Variants in ARSK observed in about 807,000 individuals in gnomAD.
ARSK encodes arylsulfatase K.
In ARSK, 37 loss-of-function variants were observed where a neutral mutation model predicts 53.2. That is an observed-to-expected ratio of 0.70 (90% CI 0.54 to 0.92). The LOEUF (loss-of-function observed/expected upper bound fraction) is 0.92, where lower values mean the gene tolerates loss of function less well. Among genes scored for constraint, ARSK ranks in the 40% least tolerant of loss-of-function variants. The pLI is 0.00. For missense variants in ARSK, 613 were observed against 643.0 expected, an observed-to-expected ratio of 0.95 and a Z score of 0.51; for synonymous variants, 208 against 223.2, an observed-to-expected ratio of 0.93 and a Z score of 0.61.
chr5:95,590,730 A>AT (rs1749198110), intron 5 of ARSK, among the ~76,000 whole-genome samples: 1 of 152,152 alleles, frequency 6.6e-6, no homozygotes, highest in African/African-American at 2.4e-5. Flanking sequence ...CTTTCTTGTG[A>AT]TTCTCTTAAT....
At chr5:95,572,174 A>ATGGT (rs1004473606) in intron 3 of ARSK, among the ~76,000 whole-genome samples, 1 of 152,188 alleles carries the variant, frequency 6.6e-6, no homozygotes, top group African/African-American at 2.4e-5. Context: ...ACACCATACT[A>ATGGT]GGATCGCTAT....
At chr5:95,565,972 T>C in intron 1 of ARSK, 26 bp from the exon 2 acceptor site, 1 of 1,585,494 alleles carries the variant, frequency 6.3e-7, no homozygotes, top group Non-Finnish European at 8.6e-7. Flanking sequence ...ATGTAATCAA[T>C]GCTAATTAAA....
At chr5:95,597,383 G>A (rs528613048) in intron 6 of ARSK, among the ~76,000 whole-genome samples, 1 of 152,170 alleles carries the variant, frequency 6.6e-6, no homozygotes, top group Non-Finnish European at 1.5e-5. Context: ...AAGCCTGGGG[G>A]TTGGCAGGTG....
At chr5:95,587,512 T>A (rs1749139955) in intron 5 of ARSK, among the ~76,000 whole-genome samples, 1 of 152,138 alleles carries the variant, frequency 6.6e-6, no homozygotes, top group South Asian at 2.1e-4. Context: ...TGAATGTTTT[T>A]TGTTAAAAAA....
intron 6 of ARSK, among the ~76,000 whole-genome samples, chr5:95,592,114 T>A (rs527854401): frequency 4.6e-5 from 7 of 152,342 alleles, no homozygotes; most frequent in Admixed American, 1.3e-4. Flanking sequence ...AACATATGGA[T>A]AAGGGTAGTT....
At position 95,585,072 on chromosome 5, in the gene ARSK, A is replaced by G. The variant is rs182643906; in HGVS notation, c.700-1490A>G. Among the ~76,000 whole-genome samples, 538 of 152,292 alleles carry G rather than the reference A, an allele frequency of 3.5e-3. 5 individuals carry two copies. Among genetic ancestry groups the G allele is most frequent in the African/African-American group, 0.012 (512 of 41,564 alleles). On this transcript the variant is annotated intron_variant, in intron 4 of 7. Transcript: ENST00000380009. ...AGATATACAAATGGCCAACAAATATATGAGAAAAGGCTCAACATCACTAAT... is the reference window on the plus strand; with the variant it reads ...AGATATACAAATGGCCAACAAATATGTGAGAAAAGGCTCAACATCACTAAT...
At chr5:95,570,708 G>C (rs1418658460) in intron 3 of ARSK, among the ~76,000 whole-genome samples, 1 of 151,936 alleles carries the variant, frequency 6.6e-6, no homozygotes, top group African/African-American at 2.4e-5. Context: ...CACAGATTAA[G>C]CATTTACTCA....
chr5:95,576,191 AGT>A (rs1748921186), intron 3 of ARSK, among the ~76,000 whole-genome samples: 2 of 147,940 alleles, frequency 1.4e-5, no homozygotes, highest in African/African-American at 5.1e-5. Context: ...GTCTCACGTA[AGT>A]GTATACCTTT....
intron 3 of ARSK, among the ~76,000 whole-genome samples, 154 bp from the exon 4 acceptor site, chr5:95,582,759 CAAT>C (rs1262731625): frequency 6.6e-6 from 1 of 152,066 alleles, no homozygotes; most frequent in Non-Finnish European, 1.5e-5. Flanking sequence ...TTGTAATGCT[CAAT>C]AACTTTCTTT....
At chr5:95,587,507 G>GT (rs1241373794) in intron 5 of ARSK, among the ~76,000 whole-genome samples, 3 of 151,994 alleles carry the variant, frequency 2.0e-5, no homozygotes, top group Admixed American at 1.3e-4. Flanking sequence ...ACAAGTGAAT[G>GT]TTTTTTGTTA....
chr5:95,598,920 G>A (rs1580232556), intron 6 of ARSK, among the ~76,000 whole-genome samples: 1 of 152,164 alleles, frequency 6.6e-6, no homozygotes, highest in African/African-American at 2.4e-5. Flanking sequence ...TCGGGACACT[G>A]TCTAAATGTG....
chr5:95,569,224 A>C (rs1016886715), intron 3 of ARSK, among the ~76,000 whole-genome samples: 3 of 152,192 alleles, frequency 2.0e-5, no homozygotes, highest in African/African-American at 7.2e-5. Context: ...TTACCTAGGC[A>C]AGTGCTAATT....
Position 95,583,106 on chromosome 5 carries a change from G to A in ARSK, c.607G>A (p.Gly203Arg), listed in dbSNP as rs1363050970. The change falls in exon 4 of 8, where the codon GGA becomes AGA. Residue 203 changes from glycine (G) to arginine (R), a missense_variant. Physicochemically the swap from Gly to Arg is moderately radical, Grantham distance 125. Coordinates refer to ENST00000380009, the MANE Select transcript of ARSK (RefSeq NM_198150.3). The part of the protein sequence containing the change: ...NYTEPFVIYL[G>R]LNLPHPYPSP... ...CACTGAACCATTTGTTATTTACTTGGGATTAAATTTACCACACCCTTACCC... is the reference window on the plus strand; with the variant it reads ...CACTGAACCATTTGTTATTTACTTGAGATTAAATTTACCACACCCTTACCC... The A allele has an allele frequency of 1.9e-5, 31 of 1,613,180 alleles. No individual in the cohort carries two copies. The highest frequency in any genetic ancestry group is 2.5e-5 in the Non-Finnish European group (29 of 1,179,422).
At chr5:95,586,848 T>C in intron 5 of ARSK, 115 bp downstream of exon 5, 1 of 805,050 alleles carries the variant, frequency 1.2e-6, no homozygotes, top group Non-Finnish European at 1.9e-6. Flanking sequence ...ACTATAGGAA[T>C]CTTGACACTT....
chr5:95,588,962 AAAAC>A (rs1210674422), intron 5 of ARSK, among the ~76,000 whole-genome samples: 2 of 137,186 alleles, frequency 1.5e-5, no homozygotes, highest in African/African-American at 3.3e-5. Flanking sequence ...CTCCGTCTCA[AAAAC>A]AAACAAACAA....
chr5:95,581,415 C>T (rs1267331652), intron 3 of ARSK, among the ~76,000 whole-genome samples: 3 of 152,162 alleles, frequency 2.0e-5, no homozygotes, highest in Non-Finnish European at 4.4e-5. Context: ...TAGACTCGCT[C>T]ATGGTCTAGA....
intron 4 of ARSK, among the ~76,000 whole-genome samples, chr5:95,584,089 T>C (rs565796086): frequency 4.7e-4 from 71 of 152,334 alleles, no homozygotes; most frequent in Non-Finnish European, 8.8e-4. Context: ...TGATTTGAAT[T>C]TCACTTCCAG....
intron 1 of ARSK, among the ~76,000 whole-genome samples, chr5:95,561,883 A>C (rs904553186): frequency 2.0e-5 from 3 of 152,230 alleles, no homozygotes; most frequent in African/African-American, 7.2e-5. Flanking sequence ...TGAGTTGTTT[A>C]GTGTGTTAAT....
chr5:95,591,299 A>G (rs1749210209), intron 5 of ARSK, 102 bp from the exon 6 acceptor site: 1 of 950,612 alleles, frequency 1.1e-6, no homozygotes, highest in Non-Finnish European at 1.6e-6. Context: ...GTTAAGAAGC[A>G]TAGTGACAAA....
Sources: allele counts gnomAD v4.1 joint callset (sites outside exome capture counted in the v4.1 genomes callset), GRCh38; gene constraint gnomAD v4.1.1; transcripts MANE v1.5; gene names NCBI Gene and HGNC (gene_info 2026-07-23, HGNC 2026-07-21).